TPM1: variants seen among roughly 807,000 people sequenced by gnomAD.
TPM1 encodes tropomyosin 1.
TPM1 carries 24 observed loss-of-function variants against 42.9 expected under a neutral mutation model. That is an observed-to-expected ratio of 0.56 (90% confidence interval 0.41 to 0.79). TPM1 has a LOEUF of 0.79. Among genes scored for constraint, TPM1 ranks in the 30% least tolerant of loss-of-function variants. The probability of loss-of-function intolerance (pLI) is 0.00; values close to 1 mark genes in which losing one functional copy is unlikely to be tolerated. For missense variants in TPM1, 158 were observed against 351.8 expected, an observed-to-expected ratio of 0.45 and a Z score of 4.41; for synonymous variants, 136 against 130.1, an observed-to-expected ratio of 1.05 and a Z score of -0.31.
intron 2 of TPM1, among the ~76,000 whole-genome samples, chr15:63,055,508 C>A (rs7165048): frequency 1.8e-3 from 273 of 152,246 alleles, no homozygotes; most frequent in African/African-American, 6.0e-3. Context: ...AAGCTGAGAA[C>A]GTTGCTTTTA....
intron 9 of TPM1, 184 bp downstream of exon 9, chr15:63,064,326 T>C: frequency 6.7e-7 from 1 of 1,497,196 alleles, no homozygotes; most frequent in East Asian, 2.5e-5. Context: ...TTAGATTAAG[T>C]CTGTCTATAC....
At chr15:63,068,859 G>A (rs373498113), downstream of TPM1, among the ~76,000 whole-genome samples, 1 of 152,120 alleles carries the variant, frequency 6.6e-6, no homozygotes, top group Non-Finnish European at 1.5e-5. Context: ...CAAGAAGTAA[G>A]CAGATAGGGC....
At chr15:63,064,281 ATTG>A in intron 9 of TPM1, 139 bp downstream of exon 9, 1 of 1,531,654 alleles carries the variant, frequency 6.5e-7, no homozygotes, top group Non-Finnish European at 8.8e-7. Flanking sequence ...TAGAATAGTC[ATTG>A]TTTTTTCACT....
rs1199355942 is a variant in TPM1, at chr15:63,061,465, C to T, written c.564-248C>T. The T allele has an allele frequency of 5.4e-6, 4 of 744,762 alleles. No homozygotes were observed. In the African/African-American group the frequency reaches 7.0e-5, roughly 13 times the overall value. The allele number at this position is 744,762 out of a possible 1,614,324, so 46.1% of individuals were successfully genotyped here. On this transcript the variant is annotated intron_variant, in intron 5 of 9. Coordinates refer to ENST00000403994, the MANE Select transcript of TPM1 (RefSeq NM_001018005.2). Reference sequence around the variant, plus strand: ...CCCTTCATAAATGCTCTTTGGGCAGCCAAAAAAGGAGCCAAATTATCGCAC... The same window carrying T: ...CCCTTCATAAATGCTCTTTGGGCAGTCAAAAAAGGAGCCAAATTATCGCAC...
chr15:63,052,769 TAAAA>T (rs201619461), intron 2 of TPM1, among the ~76,000 whole-genome samples: 3 of 146,144 alleles, frequency 2.1e-5, no homozygotes, highest in Non-Finnish European at 3.0e-5. Flanking sequence ...GCTCAAAACT[TAAAA>T]AAAAAAATAC....
intron 2 of TPM1, among the ~76,000 whole-genome samples, chr15:63,055,380 T>TA (rs1269748098): frequency 2.0e-5 from 3 of 152,246 alleles, no homozygotes; most frequent in Non-Finnish European, 4.4e-5. Context: ...ACTTGGCATT[T>TA]AAAATCTTAC....
At chr15:63,048,288 C>A (rs1392192318) in intron 2 of TPM1, 3 of 676,798 alleles carry the variant, frequency 4.4e-6, no homozygotes, top group East Asian at 1.0e-4. Context: ...GCGCCGGGAG[C>A]GCCTTTCTCC....
Position 63,042,961 on chromosome 15 carries a change from C to T in TPM1, c.114+18C>T. The T allele has an allele frequency of 6.4e-7, 1 of 1,574,302 alleles. No individual in the cohort carries two copies. Among genetic ancestry groups the T allele is most frequent in the Non-Finnish European group, 8.6e-7 (1 of 1,159,102 alleles). ...GCAAGCAGGTCTGCGCCTCCCCGGC[C>T]CTGCGCCCGCGCCCAGAGCGCCGGG... On this transcript the variant is annotated intron_variant, in intron 1 of 9. Transcript: ENST00000403994.
chr15:63,057,502 A>C (rs574780918), intron 3 of TPM1, among the ~76,000 whole-genome samples: 1 of 152,380 alleles, frequency 6.6e-6, no homozygotes, highest in Non-Finnish European at 1.5e-5. Context: ...ATATACAAGG[A>C]GGCTTAGGTG....
In TPM1 at chr15:63,051,211, A is replaced by C. The variant is rs1135368; in HGVS notation, c.241-5774A>C. Among the ~76,000 whole-genome samples, 3 of 152,242 alleles carry C rather than the reference A, an allele frequency of 2.0e-5. No individual in the cohort carries two copies. In the South Asian group the frequency reaches 6.2e-4, roughly 31 times the overall value. On this transcript the variant is annotated intron_variant, in intron 2 of 9. Transcript: ENST00000403994. ...GGGAGTTGTGGCCAGAAGGTTCTTA[A>C]TTAGTAACATGATTAAATCATGGGA... is the stretch of plus-strand genomic sequence containing the variant.
Position 63,059,626 on chromosome 15 carries a change from C to G in TPM1, c.438C>G (p.Ile146Met), listed in dbSNP as rs1460142862. ...AAGAAAAAATGGAAATTCAGGAGAT[C>G]CAACTGAAAGAGGCCAAGCACATTG... The part of the protein sequence containing the change: ...KDEEKMEIQE[I>M]QLKEAKHIAE... The change falls in exon 4 of 10, where the codon ATC becomes ATG. Residue 146 changes from isoleucine to methionine, a missense_variant. Physicochemically the swap from Ile to Met is conservative, Grantham distance 10. This residue lies in a region of TPM1 where 65 missense variants were observed against 208.8 expected (regional missense o/e 0.31). Coordinates refer to ENST00000403994, the MANE Select transcript of TPM1 (RefSeq NM_001018005.2). 6.2e-7 allele frequency: 1 copy of G among 1,612,474 alleles called. No homozygotes were observed. The highest frequency in any genetic ancestry group is 8.5e-7 in the Non-Finnish European group (1 of 1,179,056).
At chr15:63,066,905 T>C (rs186456383), downstream of TPM1, among the ~76,000 whole-genome samples, 4 of 144,438 alleles carry the variant, frequency 2.8e-5, no homozygotes, top group Admixed American at 7.0e-5. Context: ...TTTTTTTTTT[T>C]CCCAAAAAGA....
chr15:63,049,960 A>G (rs1330233512), intron 2 of TPM1, among the ~76,000 whole-genome samples: 6 of 152,224 alleles, frequency 3.9e-5, no homozygotes, highest in Non-Finnish European at 5.9e-5. Flanking sequence ...GATAAAAACA[A>G]GAACTTTGGA....
intron 2 of TPM1, 43 bp downstream of exon 2, chr15:63,044,195 T>G: frequency 6.2e-7 from 1 of 1,614,018 alleles, no homozygotes; most frequent in East Asian, 2.2e-5. Flanking sequence ...CTTGCCTGCG[T>G]GGCCACTCCG....
At chr15:63,054,635 GA>G (rs566089700) in intron 2 of TPM1, 85 of 152,330 alleles carry the variant, frequency 5.6e-4, no homozygotes, top group African/African-American at 2.0e-3. Context: ...AGAGAACTTG[GA>G]ACTTGGTAGC....
At chr15:63,043,692 G>A (rs587780971) in intron 1 of TPM1, 1 of 1,543,218 alleles carries the variant, frequency 6.5e-7, no homozygotes, top group Admixed American at 2.0e-5. Context: ...GCGCCCGCCC[G>A]CCGCTGCCCC....
chr15:63,055,027 T>TA (rs5813193), intron 2 of TPM1, among the ~76,000 whole-genome samples: 99,702 of 147,910 alleles, frequency 0.67, 33,737 homozygotes, highest in East Asian at 0.97. Context: ...GTAATAGTAA[T>TA]AAAAAAAAAA....
At position 63,042,823 on chromosome 15, in the gene TPM1, C is replaced by A. The variant is rs370871307; in HGVS notation, c.-7C>A. 77 of 1,612,004 alleles carry A rather than the reference C, an allele frequency of 4.8e-5. No homozygotes were observed. The highest frequency in any genetic ancestry group is 2.2e-4 in the Admixed American group (13 of 59,908). ...CTGCAGCCCCAGGGCCCCTCGCCGC[C>A]GCCACCATGGACGCCATCAAGAAGA... On this transcript the variant is annotated 5_prime_UTR_variant, in exon 1 of 10. Transcript: ENST00000403994.
intron 2 of TPM1, among the ~76,000 whole-genome samples, chr15:63,052,961 G>C (rs905743841): frequency 2.0e-5 from 3 of 152,050 alleles, no homozygotes; most frequent in African/African-American, 7.2e-5. Context: ...CAGTATAATA[G>C]GGCCTGCAGA....
Sources: gnomAD v4.1 joint callset for allele counts (sites outside exome capture counted in the v4.1 genomes callset) on GRCh38, gnomAD v4.1.1 for gene constraint, gnomAD v4.1.1 regional missense constraint, MANE v1.5 for transcripts, NCBI Gene and HGNC (gene_info 2026-07-23, HGNC 2026-07-21) for gene names.